The following SLC6A15 variants were observed in gnomAD, a reference collection of about 807,000 sequenced individuals.
SLC6A15 encodes solute carrier family 6 member 15.
SLC6A15 carries 33 observed loss-of-function variants against 68.5 expected under a neutral mutation model. The ratio of observed to expected loss-of-function variants is 0.48; its 90% CI spans 0.37 to 0.64. The LOEUF is 0.64. SLC6A15 is among the 30% of genes least tolerant of loss of function. The pLI is 0.00. For missense variants in SLC6A15, 747 were observed against 874.3 expected, an observed-to-expected ratio of 0.85 and a Z score of 1.84; for synonymous variants, 347 against 301.0, an observed-to-expected ratio of 1.15 and a Z score of -1.58.
intron 2 of SLC6A15, 32 bp downstream of exon 2, chr12:84,891,800 A>G (rs1286919005): frequency 1.9e-6 from 3 of 1,566,194 alleles, no homozygotes; most frequent in Admixed American, 3.7e-5. Flanking sequence ...GCAATTTACT[A>G]CAGTAATTTA....
chr12:84,885,365 C>T, intron 4 of SLC6A15, 70 bp downstream of exon 4: 1 of 1,343,444 alleles, frequency 7.4e-7, no homozygotes, highest in Admixed American at 2.8e-5. Flanking sequence ...AGAAAAAAAT[C>T]TTGAAAGCTT....
At chr12:84,878,035 A>G (rs938329459) in intron 5 of SLC6A15, among the ~76,000 whole-genome samples, 1 of 152,136 alleles carries the variant, frequency 6.6e-6, no homozygotes, top group Non-Finnish European at 1.5e-5. Flanking sequence ...CGGGCAGGTA[A>G]AAGATACTGA....
chr12:84,880,719 G>A, intron 5 of SLC6A15: 1 of 169,906 alleles, frequency 5.9e-6, no homozygotes, highest in Non-Finnish European at 1.2e-5. Flanking sequence ...CCCTCCCCCG[G>A]GCCTTGACAA....
intron 2 of SLC6A15, among the ~76,000 whole-genome samples, chr12:84,886,974 A>T (rs1449224650): frequency 1.3e-5 from 2 of 152,058 alleles, no homozygotes; most frequent in Admixed American, 6.6e-5. Flanking sequence ...ACAGGCTCTC[A>T]CTCTGTCACC....
At chr12:84,903,940 GT>G (rs1351638945) in intron 1 of SLC6A15, among the ~76,000 whole-genome samples, 1 of 152,006 alleles carries the variant, frequency 6.6e-6, no homozygotes, top group African/African-American at 2.4e-5. Context: ...CACTGAATAT[GT>G]TTTATTTGTT....
chr12:84,881,339 C>A (rs1871810844), intron 5 of SLC6A15: 2 of 511,380 alleles, frequency 3.9e-6, no homozygotes, highest in African/African-American at 4.2e-5. Context: ...ACCATCACAA[C>A]CTCCTCCATA....
chr12:84,862,891 G>A (rs1471484363), intron 11 of SLC6A15, among the ~76,000 whole-genome samples: 2 of 152,200 alleles, frequency 1.3e-5, no homozygotes, highest in East Asian at 3.9e-4. Flanking sequence ...CTAGGCTCAA[G>A]CTATCCTTCA....
chr12:84,893,539 A>C (rs1872516713), intron 1 of SLC6A15, among the ~76,000 whole-genome samples: 1 of 152,194 alleles, frequency 6.6e-6, no homozygotes, highest in Non-Finnish European at 1.5e-5. Context: ...GTGACTGAAA[A>C]ATATGACTGC....
rs370235068 is a variant in SLC6A15, at chr12:84,892,166, A to G, written c.-46T>C. 7.7e-6 allele frequency: 11 copies of G among 1,434,036 alleles called. No homozygotes were observed. Among genetic ancestry groups the G allele is most frequent in the Non-Finnish European group, 1.0e-5 (11 of 1,057,654 alleles). The allele number at this position is 1,434,036 out of a possible 1,614,324, so 88.8% of individuals were successfully genotyped here. ...TAAAAAAAAAAAAAAAAACTCCCTT[A>G]TGGCAAATGTGTTAACTCTATTTTT... On this transcript the variant is annotated 5_prime_UTR_variant, in exon 2 of 12. Transcript: ENST00000266682.
chr12:84,901,078 G>GTA (rs1260618129), intron 1 of SLC6A15, among the ~76,000 whole-genome samples: 98 of 148,084 alleles, frequency 6.6e-4, no homozygotes, highest in Middle Eastern at 3.5e-3. Flanking sequence ...GTGTGTGTGT[G>GTA]TATATATATA....
intron 6 of SLC6A15, among the ~76,000 whole-genome samples, chr12:84,874,254 C>T (rs1015173954): frequency 6.6e-6 from 1 of 151,186 alleles, no homozygotes; most frequent in South Asian, 2.1e-4. Context: ...TGGCAAATGG[C>T]GTGTCCTCTC....
At chr12:84,870,024 A>G (rs1234913793) in intron 9 of SLC6A15, among the ~76,000 whole-genome samples, 1 of 152,020 alleles carries the variant, frequency 6.6e-6, no homozygotes, top group Non-Finnish European at 1.5e-5. Context: ...GACATTAACT[A>G]CTAGTAAATT....
At chr12:84,881,517 T>C (rs1175593558) in intron 5 of SLC6A15, 1 of 985,270 alleles carries the variant, frequency 1.0e-6, no homozygotes, top group African/African-American at 1.7e-5. Context: ...GTGGTCCAAC[T>C]GATATGTGCC....
chr12:84,903,567 G>C lies in SLC6A15; in HGVS notation c.-189+8956C>G, dbSNP rs562236594. Among the ~76,000 whole-genome samples, 3 of 151,948 alleles carry C rather than the reference G, an allele frequency of 2.0e-5. No individual in the cohort carries two copies. The East Asian group carries it at 5.8e-4, about 29-fold the overall frequency. ...GGCGTTACCAGGGTGGTATTTTCTC[G>C]GGAGGCTCTAGGGGAGAACATGAAC... is the stretch of plus-strand genomic sequence containing the variant. On this transcript the variant is annotated intron_variant, in intron 1 of 11. Transcript: ENST00000266682.
At chr12:84,890,186 T>C (rs1355669315) in intron 2 of SLC6A15, among the ~76,000 whole-genome samples, 1 of 152,192 alleles carries the variant, frequency 6.6e-6, no homozygotes, top group African/African-American at 2.4e-5. Context: ...TATTTCCATT[T>C]AGTAGAAAAG....
intron 10 of SLC6A15, among the ~76,000 whole-genome samples, chr12:84,865,472 C>T (rs1871026354): frequency 6.6e-6 from 1 of 152,110 alleles, no homozygotes; most frequent in African/African-American, 2.4e-5. Flanking sequence ...TCATTATTAC[C>T]TAGAGCCCAC....
chr12:84,866,615 A>G (rs1460797330), intron 10 of SLC6A15, among the ~76,000 whole-genome samples: 2 of 152,182 alleles, frequency 1.3e-5, no homozygotes, highest in Non-Finnish European at 2.9e-5. Context: ...ACAGAAATGG[A>G]CATGAGTCCC....
chr12:84,905,989 T>C (rs371021299), intron 1 of SLC6A15, among the ~76,000 whole-genome samples: 1 of 152,224 alleles, frequency 6.6e-6, no homozygotes, highest in Non-Finnish European at 1.5e-5. Context: ...AAGAATGTTA[T>C]ATGAATGTAA....
chr12:84,872,900 C>G lies in SLC6A15; in HGVS notation c.1110-106G>C, dbSNP rs147888167. 27 of 1,199,290 alleles carry G rather than the reference C, an allele frequency of 2.3e-5. No homozygotes were observed. In the African/African-American group the frequency reaches 4.0e-4, roughly 18 times the overall value. The allele number at this position is 1,199,290 out of a possible 1,614,324, so 74.3% of individuals were successfully genotyped here. ...TAATGAATGAGCAATGTTCCCAACA[C>G]AAAGAAATGATTAATGTTTGAGGTG... On this transcript the variant is annotated intron_variant, in intron 7 of 11. Coordinates refer to ENST00000266682, the MANE Select transcript of SLC6A15 (RefSeq NM_182767.6).
Sources: gnomAD v4.1 joint callset for allele counts (sites outside exome capture counted in the v4.1 genomes callset) on GRCh38, gnomAD v4.1.1 for gene constraint, MANE v1.5 for transcripts, NCBI Gene and HGNC (gene_info 2026-07-23, HGNC 2026-07-21) for gene names.